VWC2: variants seen among roughly 807,000 people sequenced by gnomAD.
VWC2 encodes the protein brorin.
A neutral mutation model predicts 29.8 loss-of-function variants in VWC2; 14 were observed. The ratio of observed to expected loss-of-function variants is 0.47; its 90% CI spans 0.31 to 0.74. The LOEUF (loss-of-function observed/expected upper bound fraction) is 0.74, where lower values mean the gene tolerates loss of function less well. Ranked by LOEUF, VWC2 falls within the 30% of genes least tolerant of loss-of-function variation. The pLI is 0.05. For missense variants in VWC2, 457 were observed against 459.8 expected (o/e 0.99, Z 0.05); for synonymous variants, 213 against 199.0 (o/e 1.07, Z -0.59).
At chr7:49,874,384 T>C (rs1791306932) in intron 3 of VWC2, among the ~76,000 whole-genome samples, 2 of 152,224 alleles carry the variant, frequency 1.3e-5, no homozygotes, top group South Asian at 4.1e-4. Context: ...CGTGCAGGTT[T>C]GTAGCCTAGG....
At chr7:49,899,470 T>G (rs931103334) in intron 3 of VWC2, among the ~76,000 whole-genome samples, 1 of 151,952 alleles carries the variant, frequency 6.6e-6, no homozygotes, top group African/African-American at 2.4e-5. Flanking sequence ...TCAAAGTAAA[T>G]GGATGGATAA....
At chr7:49,911,164 G>A (rs911835546) in intron 3 of VWC2, among the ~76,000 whole-genome samples, 1 of 152,142 alleles carries the variant, frequency 6.6e-6, no homozygotes, top group African/African-American at 2.4e-5. Flanking sequence ...AAAAGTTAAT[G>A]AAAGTCACAG....
At chr7:49,838,638 C>T (rs1393830035) in intron 3 of VWC2, among the ~76,000 whole-genome samples, 2 of 151,866 alleles carry the variant, frequency 1.3e-5, no homozygotes, top group African/African-American at 2.4e-5. Context: ...GAACGTGGCT[C>T]CGTACAAGCA....
intron 3 of VWC2, among the ~76,000 whole-genome samples, chr7:49,848,204 T>C (rs1475981334): frequency 2.0e-5 from 3 of 152,214 alleles, no homozygotes; most frequent in African/African-American, 7.2e-5. Context: ...GTATGAGTTT[T>C]GCACTTATGC....
At position 49,919,954 on chromosome 7, in the gene VWC2, C is replaced by T. The variant is rs1233603879; in HGVS notation, c.*7769C>T. 1 of 152,094 alleles carries T rather than the reference C, an allele frequency of 6.6e-6. No individual in the cohort carries two copies. Among genetic ancestry groups the T allele is most frequent in the Non-Finnish European group, 1.5e-5 (1 of 68,032 alleles). The allele number at this position is 152,094 out of a possible 1,614,324, so 9.4% of individuals were successfully genotyped here. On this transcript the variant is annotated 3_prime_UTR_variant, in exon 4 of 4. Coordinates refer to ENST00000340652, the MANE Select transcript of VWC2 (RefSeq NM_198570.5). ...AACTGATACCTTAAAATATTTGTTA[C>T]AAATAACACTGAAGTGAGATTCAAA...
At chr7:49,789,191 ATGTGTGAGTGTGGGTGTGTG>A (rs911328640) in intron 2 of VWC2, among the ~76,000 whole-genome samples, 7 of 129,098 alleles carry the variant, frequency 5.4e-5, no homozygotes, top group Non-Finnish European at 1.0e-4. Flanking sequence ...GTGTGGGTGC[ATGTGTGAGTGTGGGTGTGTG>A]TGTGTGAGTG....
intron 3 of VWC2, among the ~76,000 whole-genome samples, chr7:49,824,200 T>C (rs1212610300): frequency 6.6e-6 from 1 of 152,220 alleles, no homozygotes; most frequent in African/African-American, 2.4e-5. Context: ...AAGTTTCTCT[T>C]ACATTGTCTT....
chr7:49,786,206 C>T (rs930822611), intron 2 of VWC2, among the ~76,000 whole-genome samples: 1 of 152,222 alleles, frequency 6.6e-6, no homozygotes, highest in Non-Finnish European at 1.5e-5. Flanking sequence ...CAATGTTTAG[C>T]TTCCACTTAT....
intron 2 of VWC2, among the ~76,000 whole-genome samples, chr7:49,794,864 C>T (rs1398451285): frequency 6.6e-6 from 1 of 152,198 alleles, no homozygotes; most frequent in East Asian, 1.9e-4. Context: ...TCCTTCCCAC[C>T]TGACTTATCA....
At chr7:49,846,704 A>G (rs190552158) in intron 3 of VWC2, among the ~76,000 whole-genome samples, 1 of 152,342 alleles carries the variant, frequency 6.6e-6, no homozygotes, top group Non-Finnish European at 1.5e-5. Flanking sequence ...CCTAAAGAGC[A>G]AAGAGCAGAT....
intron 3 of VWC2, among the ~76,000 whole-genome samples, chr7:49,808,912 G>T (rs11973687): frequency 0.024 from 3,621 of 152,020 alleles, 151 homozygotes; most frequent in African/African-American, 0.081. Flanking sequence ...TAGATTTAAA[G>T]ACCTATCTCT....
At chr7:49,865,197 G>C (rs1188472154) in intron 3 of VWC2, among the ~76,000 whole-genome samples, 6 of 152,214 alleles carry the variant, frequency 3.9e-5, no homozygotes, top group Non-Finnish European at 5.9e-5. Flanking sequence ...GTGCAGTTCA[G>C]TTGTTTGTGT....
At chr7:49,805,457 C>G (rs1788855845) in intron 3 of VWC2, among the ~76,000 whole-genome samples, 1 of 152,140 alleles carries the variant, frequency 6.6e-6, no homozygotes, top group Non-Finnish European at 1.5e-5. Flanking sequence ...TCTAATCATG[C>G]ACATACAATT....
intron 3 of VWC2, 57 bp downstream of exon 3, chr7:49,802,897 T>C: frequency 6.2e-7 from 1 of 1,610,542 alleles, no homozygotes; most frequent in East Asian, 2.2e-5. Flanking sequence ...GCACAACCCA[T>C]GTGCTGCTTC....
intron 2 of VWC2, among the ~76,000 whole-genome samples, chr7:49,784,061 C>A (rs1422193267): frequency 6.6e-6 from 1 of 152,142 alleles, no homozygotes; most frequent in Non-Finnish European, 1.5e-5. Context: ...TCACCTTCAA[C>A]AAAATGCCTG....
chr7:49,791,270 A>G (rs1788457390), intron 2 of VWC2, among the ~76,000 whole-genome samples: 1 of 152,206 alleles, frequency 6.6e-6, no homozygotes, highest in South Asian at 2.1e-4. Context: ...TAGAAAAGGC[A>G]CTTTCGCCAT....
intron 3 of VWC2, among the ~76,000 whole-genome samples, chr7:49,877,724 T>C (rs1036368602): frequency 5.3e-5 from 8 of 150,140 alleles, no homozygotes; most frequent in Non-Finnish European, 8.9e-5. Context: ...ACTTTTACAC[T>C]CTGGAGAGCC....
At chr7:49,886,680 T>C (rs1254531598) in intron 3 of VWC2, among the ~76,000 whole-genome samples, 1 of 152,182 alleles carries the variant, frequency 6.6e-6, no homozygotes, top group Non-Finnish European at 1.5e-5. Flanking sequence ...AGGGGTTTGT[T>C]GTACAGATTA....
At position 49,919,984 on chromosome 7, in the gene VWC2, T is replaced by C. The variant is rs1272350754; in HGVS notation, c.*7799T>C. ...AACACTGAAGTGAGATTCAAAATTG[T>C]GCCTTCTATTGAAGCCAAGAAAGTA... On this transcript the variant is annotated 3_prime_UTR_variant, in exon 4 of 4. Coordinates refer to ENST00000340652, the MANE Select transcript of VWC2 (RefSeq NM_198570.5). 6.6e-6 allele frequency: 1 copy of C among 152,246 alleles called. No individual in the cohort carries two copies. Among genetic ancestry groups the C allele is most frequent in the Non-Finnish European group, 1.5e-5 (1 of 68,040 alleles). 9.4% of individuals were successfully genotyped at this position (152,246 alleles called of 1,614,324 possible).
Sources: gnomAD v4.1 joint callset for allele counts (sites outside exome capture counted in the v4.1 genomes callset) on GRCh38, gnomAD v4.1.1 for gene constraint, MANE v1.5 for transcripts, NCBI Gene and HGNC (gene_info 2026-07-23, HGNC 2026-07-21) for gene names.